The following PARPBP variants were observed in gnomAD, a reference collection of about 807,000 sequenced individuals.
PARPBP encodes the protein PCNA-interacting partner.
PARPBP carries 52 observed loss-of-function variants against 50.0 expected under a neutral mutation model. The observed-to-expected ratio is 1.04, with a 90% CI of 0.83 to 1.31. The LOEUF is 1.31. PARPBP is among the 50% of genes most tolerant of loss of function. PARPBP has a pLI of 0.00. For synonymous variants in PARPBP, 244 were observed against 232.1 expected (o/e 1.05, Z -0.47); for missense variants, 697 against 672.0 (o/e 1.04, Z -0.41).
In PARPBP at chr12:102,157,451, C is replaced by CT. The variant is rs200216801; in HGVS notation, c.495+3487dup. 7.6e-3 allele frequency among the ~76,000 whole-genome samples: 1,104 copies of CT among 145,276 alleles called. 9 individuals carry two copies. The highest frequency in any genetic ancestry group is 0.023 in the African/African-American group (909 of 39,718). ...TTTACTCCAGAAGAATTCCCCTAAT[C>CT]TTTTTTTTTTTTAATTTTCTGATTA... is the stretch of plus-strand genomic sequence containing the variant. On this transcript the variant is annotated intron_variant, in intron 4 of 10. Coordinates refer to ENST00000327680, the MANE Select transcript of PARPBP (RefSeq NM_017915.5).
chr12:102,128,325 G>T (rs552359469), intron 2 of PARPBP, among the ~76,000 whole-genome samples: 3 of 152,034 alleles, frequency 2.0e-5, no homozygotes, highest in Non-Finnish European at 2.9e-5. Context: ...TCCCCCTCCC[G>T]GGTTCACGCC....
At position 102,161,675 on chromosome 12, in the gene PARPBP, C is replaced by T. The variant is rs541584221; in HGVS notation, c.496-2763C>T. Among the ~76,000 whole-genome samples the T allele has an allele frequency of 5.3e-5, 8 of 152,084 alleles. No individual in the cohort carries two copies. The East Asian group carries it at 1.6e-3, about 29-fold the overall frequency. Reference sequence around the variant, plus strand: ...GTGGCTCATGCCTGTAATCCCAGCACTTTGGGAGGTCAAGGCAGGAGGATC... The same window carrying T: ...GTGGCTCATGCCTGTAATCCCAGCATTTTGGGAGGTCAAGGCAGGAGGATC... On this transcript the variant is annotated intron_variant, in intron 4 of 10. Transcript: ENST00000327680.
At chr12:102,125,110 GTTATT>G (rs768657957) in intron 2 of PARPBP, among the ~76,000 whole-genome samples, 46 of 152,196 alleles carry the variant, frequency 3.0e-4, no homozygotes, top group Non-Finnish European at 4.6e-4. Flanking sequence ...ATGACAAAAT[GTTATT>G]TTATTTTATG....
intron 4 of PARPBP, among the ~76,000 whole-genome samples, chr12:102,163,969 G>C (rs1887862133): frequency 6.6e-6 from 1 of 152,082 alleles, no homozygotes; most frequent in African/African-American, 2.4e-5. Context: ...CCTTGAGTAG[G>C]GGGGGCACAC....
At chr12:102,187,262 A>G (rs569854392) in intron 9 of PARPBP, among the ~76,000 whole-genome samples, 28 of 152,320 alleles carry the variant, frequency 1.8e-4, no homozygotes, top group African/African-American at 6.3e-4. Flanking sequence ...AGTTAGTCCT[A>G]GTCCCCAGAT....
chr12:102,120,500 T>C (rs1594410112), intron 1 of PARPBP: 1 of 456,608 alleles, frequency 2.2e-6, no homozygotes, highest in Non-Finnish European at 4.4e-6. Context: ...TGGTAGGTCC[T>C]GAGGGTTCGT....
intron 2 of PARPBP, among the ~76,000 whole-genome samples, chr12:102,126,870 A>G (rs753075979): frequency 2.6e-5 from 4 of 152,196 alleles, no homozygotes; most frequent in Admixed American, 6.5e-5. Flanking sequence ...CTTTTCAGGT[A>G]GTGATAGACA....
At chr12:102,164,792 T>C (rs1187183021) in intron 5 of PARPBP, 184 bp downstream of exon 5, 1 of 611,908 alleles carries the variant, frequency 1.6e-6, no homozygotes, top group Admixed American at 2.7e-5. Context: ...GGAGAATTTC[T>C]CTAAAGCAGT....
intron 2 of PARPBP, among the ~76,000 whole-genome samples, chr12:102,135,526 A>G (rs995429296): frequency 2.4e-5 from 3 of 127,402 alleles, no homozygotes. Context: ...GGAGACAGAG[A>G]CTCCGTCTCC....
chr12:102,186,979 C>T lies in PARPBP; in HGVS notation c.1263+4352C>T, dbSNP rs1248482430. Reference sequence around the variant, plus strand: ...GTATTAACAAATTCTTTTATTTAACCCCATGGTATTAGAAACTTCAAATTT... The same window carrying T: ...GTATTAACAAATTCTTTTATTTAACTCCATGGTATTAGAAACTTCAAATTT... On this transcript the variant is annotated intron_variant, in intron 9 of 10. Coordinates refer to ENST00000327680, the MANE Select transcript of PARPBP (RefSeq NM_017915.5). Among the ~76,000 whole-genome samples the T allele has an allele frequency of 1.6e-3, 246 of 152,082 alleles. 1 individual carries two copies. The highest frequency in any genetic ancestry group is 2.7e-3 in the Non-Finnish European group (186 of 67,964).
At chr12:102,177,575 A>G (rs1221810760) in intron 7 of PARPBP, among the ~76,000 whole-genome samples, 5 of 151,916 alleles carry the variant, frequency 3.3e-5, no homozygotes, top group Admixed American at 1.3e-4. Context: ...CTTTATCTCT[A>G]TTACTACTAT....
At chr12:102,183,494 A>G (rs939898989) in intron 9 of PARPBP, among the ~76,000 whole-genome samples, 3 of 151,950 alleles carry the variant, frequency 2.0e-5, no homozygotes, top group African/African-American at 4.8e-5. Flanking sequence ...TTTTCTTTCT[A>G]TTGATTATTA....
intron 4 of PARPBP, chr12:102,154,802 A>C (rs111297354): frequency 4.4e-6 from 2 of 453,062 alleles, no homozygotes; most frequent in African/African-American, 2.0e-5. Flanking sequence ...AAGGATATCA[A>C]TTAACTAAAT....
At chr12:102,124,161 A>T in intron 2 of PARPBP, 120 bp downstream of exon 2, 1 of 684,948 alleles carries the variant, frequency 1.5e-6, no homozygotes, top group Non-Finnish European at 2.5e-6. Flanking sequence ...TTCTGTGATA[A>T]TACACCATTT....
chr12:102,171,202 G>T (rs1412637075), intron 6 of PARPBP, among the ~76,000 whole-genome samples: 2 of 151,206 alleles, frequency 1.3e-5, no homozygotes, highest in African/African-American at 4.9e-5. Flanking sequence ...ATGATAAAAG[G>T]TATAGCAAAC....
chr12:102,143,672 G>A (rs2138335180), intron 2 of PARPBP, among the ~76,000 whole-genome samples: 1 of 152,256 alleles, frequency 6.6e-6, no homozygotes, highest in East Asian at 1.9e-4. Context: ...TCATTATATG[G>A]CGAATGTATA....
intron 2 of PARPBP, among the ~76,000 whole-genome samples, chr12:102,147,390 A>C (rs1009590604): frequency 1.2e-3 from 175 of 152,164 alleles, no homozygotes; most frequent in Non-Finnish European, 2.2e-3. Flanking sequence ...GCAGCCATGA[A>C]AAATGATGAG....
chr12:102,129,836 T>G (rs780300449), intron 2 of PARPBP, among the ~76,000 whole-genome samples: 3 of 152,186 alleles, frequency 2.0e-5, no homozygotes, highest in Non-Finnish European at 4.4e-5. Context: ...TTTATATATT[T>G]AATGCTAATC....
At chr12:102,138,795 T>G (rs1251256337) in intron 2 of PARPBP, among the ~76,000 whole-genome samples, 1 of 152,190 alleles carries the variant, frequency 6.6e-6, no homozygotes, top group Non-Finnish European at 1.5e-5. Flanking sequence ...ATCAGATGGT[T>G]GTAGATGTGT....
Sources: gnomAD v4.1 joint callset for allele counts (sites outside exome capture counted in the v4.1 genomes callset) on GRCh38, gnomAD v4.1.1 for gene constraint, MANE v1.5 for transcripts, NCBI Gene and HGNC (gene_info 2026-07-23, HGNC 2026-07-21) for gene names.